The following MLKL variants were observed in gnomAD, a reference collection of about 807,000 sequenced individuals.
MLKL encodes mixed lineage kinase domain like pseudokinase.
A neutral mutation model predicts 56.5 loss-of-function variants in MLKL; 55 were observed. That is an observed-to-expected ratio of 0.97 (90% CI 0.78 to 1.22). The LOEUF (loss-of-function observed/expected upper bound fraction) is 1.22, where lower values mean the gene tolerates loss of function less well. MLKL is among the 50% of genes most tolerant of loss of function. MLKL has a pLI of 0.00. For missense variants in MLKL, 694 were observed against 573.9 expected, an observed-to-expected ratio of 1.21 and a Z score of -2.14; for synonymous variants, 251 against 208.3, an observed-to-expected ratio of 1.20 and a Z score of -1.76.
At chr16:74,697,745 G>C (rs1961133501) in intron 1 of MLKL, among the ~76,000 whole-genome samples, 1 of 151,974 alleles carries the variant, frequency 6.6e-6, no homozygotes, top group South Asian at 2.1e-4. Context: ...CTTGAGCCTG[G>C]GAGGTTGAGG....
chr16:74,672,209 C>T lies in MLKL; in HGVS notation c.*295G>A, dbSNP rs1959269223. ...ATTCAAATGGTGGGGAAAGAGACTTCATTTATGGAAGGGAGGAGCTGCAAA... is the reference window on the plus strand; with the variant it reads ...ATTCAAATGGTGGGGAAAGAGACTTTATTTATGGAAGGGAGGAGCTGCAAA... On this transcript the variant is annotated 3_prime_UTR_variant, in exon 11 of 11. Coordinates refer to ENST00000308807, the MANE Select transcript of MLKL (RefSeq NM_152649.4). The T allele has an allele frequency of 1.3e-5, 4 of 304,546 alleles. No homozygotes were observed. The highest frequency in any genetic ancestry group is 2.5e-5 in the Non-Finnish European group (4 of 162,576). The allele number at this position is 304,546 out of a possible 1,614,324, so 18.9% of individuals were successfully genotyped here.
chr16:74,695,176 G>C (rs543409259), intron 2 of MLKL, 122 bp downstream of exon 2: 2 of 1,085,308 alleles, frequency 1.8e-6, no homozygotes, highest in Admixed American at 2.4e-5. Flanking sequence ...CCAGCTAGGA[G>C]TTTTGAGGTA....
chr16:74,692,361 G>T lies in MLKL; in HGVS notation c.516C>A (p.Ile172=). The change falls in exon 3 of 11, where the codon ATC becomes ATA. Residue 172 remains isoleucine, a synonymous_variant. Coordinates refer to ENST00000308807, the MANE Select transcript of MLKL (RefSeq NM_152649.4). ...ACTTACACTGCCTCAAAGTTTCCTT[G>T]ATTTCTTTCATGTTGATTTCTAATC... The part of the protein sequence containing the change: ...LRRLEINMKE[I]KETLRQYLPP... 6.2e-7 allele frequency: 1 copy of T among 1,613,458 alleles called. No homozygotes were observed. The highest frequency in any genetic ancestry group is 1.1e-5 in the South Asian group (1 of 90,824).
intron 1 of MLKL, among the ~76,000 whole-genome samples, chr16:74,698,001 C>G (rs1382270751): frequency 6.6e-6 from 1 of 152,038 alleles, no homozygotes; most frequent in East Asian, 1.9e-4. Flanking sequence ...AGCCTGAGTT[C>G]GAGACCAGCC....
intron 4 of MLKL, among the ~76,000 whole-genome samples, chr16:74,686,724 C>G (rs1233986307): frequency 6.6e-6 from 1 of 152,214 alleles, no homozygotes; most frequent in Non-Finnish European, 1.5e-5. Context: ...TCTGTTCATT[C>G]ACTCTGAGTC....
At chr16:74,691,168 C>T in intron 4 of MLKL, 109 bp downstream of exon 4, 2 of 1,021,386 alleles carry the variant, frequency 2.0e-6, no homozygotes, top group Non-Finnish European at 2.9e-6. Flanking sequence ...ATAATTTAAC[C>T]CTTTAGGGCC....
intron 7 of MLKL, chr16:74,676,237 T>C: frequency 1.0e-6 from 1 of 992,276 alleles, no homozygotes; most frequent in Non-Finnish European, 1.2e-6. Context: ...TTATGGGGGG[T>C]CAGCCTGATC....
intron 7 of MLKL, chr16:74,676,344 G>A (rs1215337392): frequency 2.0e-6 from 2 of 985,520 alleles, no homozygotes; most frequent in South Asian, 4.7e-5. Context: ...GACAGCATAT[G>A]TTCTTGTCCC....
At chr16:74,679,108 ACTGG>A (rs1320204664) in intron 6 of MLKL, 128 bp from the exon 7 acceptor site, 1 of 687,682 alleles carries the variant, frequency 1.5e-6, no homozygotes, top group East Asian at 2.7e-5. Context: ...CACAGGAAAA[ACTGG>A]GATGTAGAGG....
At chr16:74,687,132 T>C (rs920550436) in intron 4 of MLKL, among the ~76,000 whole-genome samples, 2 of 151,816 alleles carry the variant, frequency 1.3e-5, no homozygotes, top group African/African-American at 4.8e-5. Context: ...CTTGCTACCA[T>C]GCCCGGCTAA....
intron 4 of MLKL, among the ~76,000 whole-genome samples, chr16:74,687,887 G>A (rs535517781): frequency 1.8e-4 from 27 of 150,718 alleles, no homozygotes; most frequent in African/African-American, 4.2e-4. Context: ...GTGCAGTGGC[G>A]TGATCTCAGG....
At chr16:74,686,646 G>A (rs1249297061) in intron 4 of MLKL, among the ~76,000 whole-genome samples, 4 of 152,014 alleles carry the variant, frequency 2.6e-5, no homozygotes, top group African/African-American at 9.7e-5. Flanking sequence ...CTTCCAAAAC[G>A]TGGGCCTTAA....
At chr16:74,679,987 T>A (rs1177959086) in intron 6 of MLKL, among the ~76,000 whole-genome samples, 1 of 152,132 alleles carries the variant, frequency 6.6e-6, no homozygotes, top group Admixed American at 6.6e-5. Context: ...GTGGGCACAA[T>A]TACACCTCAG....
intron 2 of MLKL, 150 bp downstream of exon 2, chr16:74,695,148 A>T: frequency 1.3e-6 from 1 of 798,210 alleles, no homozygotes; most frequent in Non-Finnish European, 2.0e-6. Flanking sequence ...CTGGGATTAC[A>T]GGCGAGAGCC....
chr16:74,697,024 G>T (rs1961089128), intron 1 of MLKL, among the ~76,000 whole-genome samples: 1 of 145,256 alleles, frequency 6.9e-6, no homozygotes, highest in African/African-American at 2.6e-5. Flanking sequence ...CATATATATA[G>T]TAATACATAT....
At chr16:74,693,474 GAAA>G (rs1567617584) in intron 2 of MLKL, among the ~76,000 whole-genome samples, 5 of 78,654 alleles carry the variant, frequency 6.4e-5, no homozygotes, top group African/African-American at 2.7e-4. Flanking sequence ...AAAAAGAAAA[GAAA>G]AAAGAAAGAA....
In MLKL at chr16:74,675,412, A is replaced by G. The variant is rs1343591251; in HGVS notation, c.1191-8T>C. ...CAGAGGACGATTCCAAAGCTAAAAG[A>G]AAACCAAGAAACTGAACAACCATAA... On this transcript the variant is annotated splice_polypyrimidine_tract_variant and splice_region_variant and intron_variant, in intron 8 of 10. Coordinates refer to ENST00000308807, the MANE Select transcript of MLKL (RefSeq NM_152649.4). 6.2e-7 allele frequency: 1 copy of G among 1,613,430 alleles called. No homozygotes were observed. Among genetic ancestry groups the G allele is most frequent in the Admixed American group, 1.7e-5 (1 of 60,014 alleles).
intron 2 of MLKL, 33 bp downstream of exon 2, chr16:74,695,265 G>A (rs767379695): frequency 1.3e-6 from 2 of 1,593,440 alleles, no homozygotes; most frequent in South Asian, 2.2e-5. Flanking sequence ...GCATTCAACT[G>A]CACTCCCACT....
intron 3 of MLKL, 72 bp downstream of exon 3, chr16:74,692,270 G>A: frequency 7.4e-7 from 1 of 1,349,800 alleles, no homozygotes; most frequent in Non-Finnish European, 1.1e-6. Context: ...GTAGCGGGAG[G>A]CTGGGGTCCC....
Sources: allele counts gnomAD v4.1 joint callset (sites outside exome capture counted in the v4.1 genomes callset), GRCh38; gene constraint gnomAD v4.1.1; transcripts MANE v1.5; gene names NCBI Gene and HGNC (gene_info 2026-07-23, HGNC 2026-07-21).